NAA40: variants seen among roughly 807,000 people sequenced by gnomAD.
NAA40 encodes N-alpha-acetyltransferase 40, NatD catalytic subunit, also known as N-alpha-acetyltransferase 40.
Under a neutral mutation model 36.6 loss-of-function variants are expected in NAA40, and 26 were observed. That is an observed-to-expected ratio of 0.71 (90% CI 0.52 to 0.98). The LOEUF (loss-of-function observed/expected upper bound fraction) is 0.98. Among genes scored for constraint, NAA40 ranks in the 50% least tolerant of loss-of-function variants. The probability of loss-of-function intolerance (pLI) is 0.00; values close to 1 mark genes in which losing one functional copy is unlikely to be tolerated. For missense variants in NAA40, 237 were observed against 306.5 expected, an observed-to-expected ratio of 0.77 and a Z score of 1.69; for synonymous variants, 129 against 108.4, an observed-to-expected ratio of 1.19 and a Z score of -1.18.
At chr11:63,940,665 T>C (rs1392196721) in intron 1 of NAA40, among the ~76,000 whole-genome samples, 2 of 152,220 alleles carry the variant, frequency 1.3e-5, no homozygotes, top group African/African-American at 2.4e-5. Context: ...TTTTAACCCA[T>C]TGGGTTTGTC....
Position 63,954,368 on chromosome 11 carries a change from G to A in NAA40, c.603G>A (p.Met201Ile), listed in dbSNP as rs781676479. 5 of 1,607,060 alleles carry A rather than the reference G, an allele frequency of 3.1e-6. No individual in the cohort carries two copies. Among genetic ancestry groups the A allele is most frequent in the Non-Finnish European group, 4.2e-6 (5 of 1,177,188 alleles). ...QFEIDDSSPS[M>I]SGCCGEDCSY... ...AAATTGATGACTCTTCCCCCAGCAT[G>A]TCCGGTTGCTGTGGGGAGGATTGCT... The change falls in exon 8 of 8, where the codon ATG becomes ATA. Residue 201 changes from methionine to isoleucine, a missense_variant. Physicochemically the swap from Met to Ile is conservative, Grantham distance 10 (BLOSUM62 1). Coordinates refer to ENST00000377793, the MANE Select transcript of NAA40 (RefSeq NM_024771.4).
In NAA40 at chr11:63,956,729, C is replaced by G. The variant is rs1942370737; in HGVS notation, c.*2250C>G. 1 of 152,634 alleles carries G rather than the reference C, an allele frequency of 6.6e-6. No homozygotes were observed. The highest frequency in any genetic ancestry group is 2.4e-5 in the African/African-American group (1 of 41,416). 9.5% of individuals were successfully genotyped at this position (152,634 alleles called of 1,614,324 possible). ...GTGGCTTACACCTGTAATCCCAGCA[C>G]TTTGGGAGGCTGAGGCAGGCGGGTC... On this transcript the variant is annotated 3_prime_UTR_variant, in exon 8 of 8. Coordinates refer to ENST00000377793, the MANE Select transcript of NAA40 (RefSeq NM_024771.4).
intron 1 of NAA40, among the ~76,000 whole-genome samples, chr11:63,943,000 G>A (rs1009358146): frequency 6.6e-6 from 1 of 152,140 alleles, no homozygotes; most frequent in Non-Finnish European, 1.5e-5. Context: ...TGGGTTCTGG[G>A]CGTTACCCTT....
chr11:63,944,554 G>A (rs898734844), intron 1 of NAA40, among the ~76,000 whole-genome samples: 2 of 152,112 alleles, frequency 1.3e-5, no homozygotes, highest in Non-Finnish European at 2.9e-5. Context: ...GCCAGGGGAG[G>A]CTCAGAGAAG....
rs1942363874 is a variant in NAA40, at chr11:63,956,251, AG to A, written c.*1776del. 1 of 152,594 alleles carries A rather than the reference AG, an allele frequency of 6.6e-6. No homozygotes were observed. Among genetic ancestry groups the A allele is most frequent in the South Asian group, 2.1e-4 (1 of 4,814 alleles). The allele number at this position is 152,594 out of a possible 1,614,324, so 9.5% of individuals were successfully genotyped here. On this transcript the variant is annotated 3_prime_UTR_variant, in exon 8 of 8. Coordinates refer to ENST00000377793, the MANE Select transcript of NAA40 (RefSeq NM_024771.4). Reference sequence around the variant, plus strand: ...TCCCAGGCAGAGTTGACATTGCTGGAGGGGTTTGGTGGACTCCTAAGAATCA... The same window carrying A: ...TCCCAGGCAGAGTTGACATTGCTGGAGGGTTTGGTGGACTCCTAAGAATCA...
In NAA40 at chr11:63,953,930, A is replaced by G. The variant is rs753855841; in HGVS notation, c.495-42A>G. On this transcript the variant is annotated intron_variant, in intron 6 of 7. Coordinates refer to ENST00000377793, the MANE Select transcript of NAA40 (RefSeq NM_024771.4). ...CAGGTGCATGCCACCATGCCTGGCCATGTTTCTCTTTCTAAAAGGCGTTTG... is the reference window on the plus strand; with the variant it reads ...CAGGTGCATGCCACCATGCCTGGCCGTGTTTCTCTTTCTAAAAGGCGTTTG... 1.5e-5 allele frequency: 24 copies of G among 1,568,864 alleles called. No individual in the cohort carries two copies. The Middle Eastern group carries it at 5.0e-4, about 33-fold the overall frequency.
Position 63,956,608 on chromosome 11 carries a change from C to T in NAA40, c.*2129C>T, listed in dbSNP as rs1446234995. The T allele has an allele frequency of 2.0e-5, 3 of 152,642 alleles. No individual in the cohort carries two copies. The highest frequency in any genetic ancestry group is 4.4e-5 in the Non-Finnish European group (3 of 68,070). The allele number at this position is 152,642 out of a possible 1,614,324, so 9.5% of individuals were successfully genotyped here. On this transcript the variant is annotated 3_prime_UTR_variant, in exon 8 of 8. Coordinates refer to ENST00000377793, the MANE Select transcript of NAA40 (RefSeq NM_024771.4). Reference sequence around the variant, plus strand: ...GCACTATCTGAGACCTGCAATCACTCTTGTTGGTCTTGAGCCCATTCATTT... The same window carrying T: ...GCACTATCTGAGACCTGCAATCACTTTTGTTGGTCTTGAGCCCATTCATTT...
intron 1 of NAA40, among the ~76,000 whole-genome samples, chr11:63,940,016 G>A (rs1942082000): frequency 6.9e-6 from 1 of 145,978 alleles, no homozygotes; most frequent in South Asian, 2.2e-4. Context: ...AAAAGATAAC[G>A]CTTTTCCTAG....
intron 1 of NAA40, among the ~76,000 whole-genome samples, chr11:63,943,143 T>C (rs1942133311): frequency 6.6e-6 from 1 of 152,186 alleles, no homozygotes; most frequent in Non-Finnish European, 1.5e-5. Context: ...GGCCAACATT[T>C]GTACCCCCAT....
Position 63,952,851 on chromosome 11 carries a change from C to T in NAA40, c.494+12C>T, listed in dbSNP as rs1414082298. On this transcript the variant is annotated intron_variant, in intron 6 of 7. Transcript: ENST00000377793. ...CTCATGGCCAACAGGTAAGGCCTCC[C>T]TTCTTAGGAGGCCCATATAGCACTC... is the stretch of plus-strand genomic sequence containing the variant. 1.2e-6 allele frequency: 2 copies of T among 1,608,898 alleles called. No homozygotes were observed. The highest frequency in any genetic ancestry group is 1.7e-5 in the Admixed American group (1 of 59,956).
rs528765129 is a variant in NAA40, at chr11:63,957,278, T to C, written c.*2799T>C. On this transcript the variant is annotated 3_prime_UTR_variant, in exon 8 of 8. Transcript: ENST00000377793. ...AGGGAAAAAGTGATCTCTTCTTGCA[T>C]TGGTTGTATTTGTATGTCACAAATA... 19 of 151,816 alleles carry C rather than the reference T, an allele frequency of 1.3e-4. No homozygotes were observed. Among genetic ancestry groups the C allele is most frequent in the Non-Finnish European group, 2.6e-4 (18 of 67,992 alleles). The allele number at this position is 151,816 out of a possible 1,614,324, so 9.4% of individuals were successfully genotyped here.
chr11:63,944,542 A>AATTG (rs1208682751), intron 1 of NAA40, among the ~76,000 whole-genome samples: 2 of 152,174 alleles, frequency 1.3e-5, no homozygotes, highest in Non-Finnish European at 2.9e-5. Flanking sequence ...CTCAGTCATC[A>AATTG]AGCCAGGGGA....
chr11:63,953,261 T>A (rs1385421220), intron 6 of NAA40, among the ~76,000 whole-genome samples: 1 of 152,052 alleles, frequency 6.6e-6, no homozygotes, highest in Non-Finnish European at 1.5e-5. Flanking sequence ...TTAAGGCTGG[T>A]CTCGAACTCC....
At chr11:63,951,763 G>C (rs1942281979) in intron 3 of NAA40, among the ~76,000 whole-genome samples, 1 of 152,124 alleles carries the variant, frequency 6.6e-6, no homozygotes, top group Admixed American at 6.5e-5. Flanking sequence ...GTCACCCAGT[G>C]GTTTTGAAGG....
chr11:63,952,090 C>G (rs1565173256), intron 3 of NAA40, 148 bp from the exon 4 acceptor site: 2 of 615,698 alleles, frequency 3.2e-6, no homozygotes, highest in Non-Finnish European at 5.8e-6. Context: ...TGCACCTTCT[C>G]TAGTCATGCT....
At position 63,939,102 on chromosome 11, in the gene NAA40, G is replaced by A. The variant is rs1264644866; in HGVS notation, c.6G>A (p.Gly2=). The part of the protein sequence containing the change: M[G]RKSSKAKEKK... ...TGAGCGTTGTCGCCGCCGCTATGGGGGTGAGTGAGGCAGAGAGAGGAGATG... is the reference window on the plus strand; with the variant it reads ...TGAGCGTTGTCGCCGCCGCTATGGGAGTGAGTGAGGCAGAGAGAGGAGATG... Residue 2 remains glycine (G), a splice_region_variant and synonymous_variant, in exon 1 of 8, where the codon GGG becomes GGA. Transcript: ENST00000377793. The A allele has an allele frequency of 1.2e-5, 19 of 1,605,200 alleles. No individual in the cohort carries two copies. Among genetic ancestry groups the A allele is most frequent in the African/African-American group, 1.4e-5 (1 of 73,224 alleles).
intron 1 of NAA40, among the ~76,000 whole-genome samples, chr11:63,944,896 C>T (rs1236309849): frequency 2.5e-5 from 2 of 81,246 alleles, no homozygotes; most frequent in African/African-American, 4.7e-5. Flanking sequence ...GAGTGAGACT[C>T]CATCTCAAAA....
At chr11:63,941,068 AAAG>A (rs1169024077) in intron 1 of NAA40, among the ~76,000 whole-genome samples, 1 of 152,236 alleles carries the variant, frequency 6.6e-6, no homozygotes, top group African/African-American at 2.4e-5. Context: ...GTGAAGGAAA[AAAG>A]AAATATGCCC....
chr11:63,949,346 G>C (rs1329107721), intron 3 of NAA40, among the ~76,000 whole-genome samples: 1 of 152,102 alleles, frequency 6.6e-6, no homozygotes, highest in African/African-American at 2.4e-5. Context: ...TTAGATTCGC[G>C]GGGTACATGT....
Sources: gnomAD v4.1 joint callset for allele counts (sites outside exome capture counted in the v4.1 genomes callset) on GRCh38, gnomAD v4.1.1 for gene constraint, MANE v1.5 for transcripts, NCBI Gene and HGNC (gene_info 2026-07-23, HGNC 2026-07-21) for gene names.